The following ULK4 variants were observed in gnomAD, a reference collection of about 807,000 sequenced individuals.
ULK4 encodes the protein inactive serine/threonine-protein kinase ULK4.
A neutral mutation model predicts 160.6 loss-of-function variants in ULK4; 133 were observed. The ratio of observed to expected loss-of-function variants is 0.83; its 90% CI spans 0.72 to 0.96. ULK4 has a LOEUF of 0.96. ULK4 is among the 40% of genes least tolerant of loss of function. The pLI is 0.00. For missense variants in ULK4, 1,580 were observed against 1,499.5 expected (o/e 1.05, Z -0.89); for synonymous variants, 534 against 539.8 (o/e 0.99, Z 0.15).
At chr3:41,518,163 T>C (rs1415622351) in intron 32 of ULK4, among the ~76,000 whole-genome samples, 1 of 152,160 alleles carries the variant, frequency 6.6e-6, no homozygotes, top group Non-Finnish European at 1.5e-5. Flanking sequence ...TATTCAGCTA[T>C]TTATAGCTAG....
intron 35 of ULK4, among the ~76,000 whole-genome samples, chr3:41,282,110 C>G (rs2079367508): frequency 1.3e-5 from 2 of 152,118 alleles, no homozygotes; most frequent in Non-Finnish European, 2.9e-5. Context: ...TCAAGGACCT[C>G]TTCAAGGAGA....
At position 41,410,948 on chromosome 3, in the gene ULK4, T is replaced by G. The variant is rs571348206; in HGVS notation, c.3493-12684A>C. Among the ~76,000 whole-genome samples the G allele has an allele frequency of 3.6e-4, 34 of 94,198 alleles. No homozygotes were observed. The South Asian group carries it at 7.7e-3, about 21-fold the overall frequency. The allele number at this position is 94,198 out of a possible 152,430, so 61.8% of individuals were successfully genotyped here. On this transcript the variant is annotated intron_variant, in intron 34 of 36. Transcript: ENST00000301831. Reference sequence around the variant, plus strand: ...ACCATATTCCAGTATAACTTCATCTTAACTATATCTGCAAAAACACTATTT... The same window carrying G: ...ACCATATTCCAGTATAACTTCATCTGAACTATATCTGCAAAAACACTATTT...
chr3:41,526,152 G>A lies in ULK4; in HGVS notation c.3226+39873C>T, dbSNP rs563843554. On this transcript the variant is annotated intron_variant, in intron 32 of 36. Coordinates refer to ENST00000301831, the MANE Select transcript of ULK4 (RefSeq NM_017886.4). ...TGAACTCTTTTTTTCTAGAGTGAGT[G>A]TGTTTGCATCTCTTACAGACTATGT... Among the ~76,000 whole-genome samples the A allele has an allele frequency of 3.4e-4, 52 of 151,958 alleles. 1 individual carries two copies. The South Asian group carries it at 8.3e-3, about 24-fold the overall frequency.
intron 35 of ULK4, among the ~76,000 whole-genome samples, chr3:41,397,525 A>C (rs1360233704): frequency 6.6e-6 from 1 of 152,198 alleles, no homozygotes; most frequent in Non-Finnish European, 1.5e-5. Context: ...ATCGTGAAGA[A>C]ACATCAAACA....
chr3:41,316,444 C>A (rs574740911), intron 35 of ULK4, among the ~76,000 whole-genome samples: 1 of 152,250 alleles, frequency 6.6e-6, no homozygotes, highest in East Asian at 1.9e-4. Context: ...AAATGGAGCA[C>A]AAAATCATAT....
intron 17 of ULK4, among the ~76,000 whole-genome samples, chr3:41,879,346 A>T (rs752397617): frequency 6.6e-5 from 10 of 152,324 alleles, no homozygotes; most frequent in Admixed American, 1.3e-4. Context: ...TACTCCAGCA[A>T]GAAAGAGAGA....
intron 35 of ULK4, among the ~76,000 whole-genome samples, chr3:41,305,496 G>A (rs1461958054): frequency 1.3e-5 from 2 of 152,348 alleles, no homozygotes; most frequent in East Asian, 3.9e-4. Flanking sequence ...TGCCGGGATT[G>A]CAGACGGAGT....
chr3:41,645,622 A>G (rs1451869838), intron 30 of ULK4, among the ~76,000 whole-genome samples: 1 of 152,012 alleles, frequency 6.6e-6, no homozygotes, highest in Non-Finnish European at 1.5e-5. Flanking sequence ...GTATGTGGTC[A>G]ATTTTGGAAT....
chr3:41,836,365 G>A (rs1316930424), intron 17 of ULK4, among the ~76,000 whole-genome samples: 4 of 152,078 alleles, frequency 2.6e-5, no homozygotes, highest in Non-Finnish European at 5.9e-5. Flanking sequence ...TAGAGACGGG[G>A]TTTTGCCATG....
intron 32 of ULK4, 69 bp downstream of exon 32, chr3:41,565,956 C>A: frequency 8.2e-7 from 1 of 1,215,338 alleles, no homozygotes; most frequent in South Asian, 1.3e-5. Context: ...CTTCTAGACT[C>A]CACGCTATAT....
intron 35 of ULK4, among the ~76,000 whole-genome samples, chr3:41,329,118 T>C (rs2080393377): frequency 6.6e-6 from 1 of 152,232 alleles, no homozygotes; most frequent in Admixed American, 6.5e-5. Flanking sequence ...GAATGTCCTA[T>C]AAATTCCATT....
chr3:41,414,929 T>A (rs569235156), intron 34 of ULK4, among the ~76,000 whole-genome samples: 1 of 152,344 alleles, frequency 6.6e-6, no homozygotes, highest in South Asian at 2.1e-4. Flanking sequence ...CCTGCCACCA[T>A]TTTTACTAAT....
intron 32 of ULK4, among the ~76,000 whole-genome samples, chr3:41,477,868 A>G (rs2084192689): frequency 6.6e-6 from 1 of 152,262 alleles, no homozygotes; most frequent in Non-Finnish European, 1.5e-5. Flanking sequence ...CTATGAGGTT[A>G]AACATTTCTG....
intron 32 of ULK4, among the ~76,000 whole-genome samples, chr3:41,521,657 T>C (rs1425370133): frequency 6.6e-6 from 1 of 152,232 alleles, no homozygotes; most frequent in Non-Finnish European, 1.5e-5. Context: ...ATTCTCAAGA[T>C]CTGCTTACAT....
rs971318912 is a variant in ULK4 at position 41,572,571 on chromosome 3, T to C, written c.3121-6441A>G. Among the ~76,000 whole-genome samples, 85 of 150,016 alleles carry C rather than the reference T, an allele frequency of 5.7e-4. 1 individual carries two copies. Among genetic ancestry groups the C allele is most frequent in the Non-Finnish European group, 1.6e-4 (11 of 67,662 alleles). Reference sequence around the variant, plus strand: ...GTCAGGAGATTGAGACCATCCTGGCTAACATGGTGAAACCCTGTCTCTACT... The same window carrying C: ...GTCAGGAGATTGAGACCATCCTGGCCAACATGGTGAAACCCTGTCTCTACT... On this transcript the variant is annotated intron_variant, in intron 31 of 36. Coordinates refer to ENST00000301831, the MANE Select transcript of ULK4 (RefSeq NM_017886.4).
chr3:41,796,676 C>G (rs1423721870), intron 20 of ULK4, among the ~76,000 whole-genome samples: 3 of 151,960 alleles, frequency 2.0e-5, no homozygotes, highest in African/African-American at 7.2e-5. Context: ...GAGGTTTTTT[C>G]AAAATGTGTA....
chr3:41,783,708 T>C (rs2039921177), intron 21 of ULK4, among the ~76,000 whole-genome samples: 1 of 152,168 alleles, frequency 6.6e-6, no homozygotes, highest in South Asian at 2.1e-4. Context: ...AATCCTAAAA[T>C]TTGTCACTAT....
intron 35 of ULK4, among the ~76,000 whole-genome samples, chr3:41,396,707 A>G (rs1264155738): frequency 6.6e-6 from 1 of 152,152 alleles, no homozygotes; most frequent in Non-Finnish European, 1.5e-5. Flanking sequence ...TAACTGCCTC[A>G]CTACGTGATT....
Position 41,803,480 on chromosome 3 carries a change from T to C in ULK4, c.1849-3187A>G, listed in dbSNP as rs138347289. ...ACACGTTGCAGTAGGCAAAGCTTTC[T>C]TTTTTATTATTATTATTATTATACT... On this transcript the variant is annotated intron_variant, in intron 19 of 36. Transcript: ENST00000301831. Among the ~76,000 whole-genome samples, 397 of 152,182 alleles carry C rather than the reference T, an allele frequency of 2.6e-3. 3 individuals carry two copies. Among genetic ancestry groups the C allele is most frequent in the South Asian group, 0.015 (70 of 4,824 alleles).
Sources: allele counts gnomAD v4.1 joint callset (sites outside exome capture counted in the v4.1 genomes callset), GRCh38; gene constraint gnomAD v4.1.1; transcripts MANE v1.5; gene names NCBI Gene and HGNC (gene_info 2026-07-23, HGNC 2026-07-21).